Variants in CDH2 observed in about 807,000 individuals in gnomAD.
CDH2 encodes the protein cadherin 2.
Under a neutral mutation model 92.0 loss-of-function variants are expected in CDH2, and 17 were observed. That is an observed-to-expected ratio of 0.18 (90% CI 0.13 to 0.28). The LOEUF is 0.28. Ranked by LOEUF, CDH2 falls within the 10% of genes least tolerant of loss-of-function variation. The pLI is 1.00. For synonymous variants in CDH2, 419 were observed against 415.9 expected, an observed-to-expected ratio of 1.01 and a Z score of -0.09; for missense variants, 862 against 1,133.1, an observed-to-expected ratio of 0.76 and a Z score of 3.44.
At chr18:28,097,403 C>T (rs1281889735) in intron 2 of CDH2, among the ~76,000 whole-genome samples, 1 of 150,998 alleles carries the variant, frequency 6.6e-6, no homozygotes, top group African/African-American at 2.4e-5. Flanking sequence ...GAACTCACAG[C>T]CGGGTGCAGT....
intron 2 of CDH2, among the ~76,000 whole-genome samples, chr18:28,087,611 C>G (rs2144204574): frequency 6.6e-6 from 1 of 152,170 alleles, no homozygotes; most frequent in Non-Finnish European, 1.5e-5. Flanking sequence ...TAACCCTTGT[C>G]TCCACACTTC....
intron 2 of CDH2, among the ~76,000 whole-genome samples, chr18:28,106,610 GACC>G (rs1419797926): frequency 6.6e-6 from 1 of 152,054 alleles, no homozygotes; most frequent in Non-Finnish European, 1.5e-5. Flanking sequence ...CAGTGAGGAA[GACC>G]ACAAGATGAG....
chr18:28,146,895 A>G (rs190727646), intron 2 of CDH2, among the ~76,000 whole-genome samples: 5 of 152,246 alleles, frequency 3.3e-5, no homozygotes, highest in African/African-American at 1.2e-4. Flanking sequence ...TTCACATTTC[A>G]ATGACATTTT....
chr18:28,127,085 A>C (rs1304822461), intron 2 of CDH2, among the ~76,000 whole-genome samples: 1 of 152,216 alleles, frequency 6.6e-6, no homozygotes, highest in Admixed American at 6.5e-5. Flanking sequence ...AAGCAGGAGA[A>C]AGACATGCTA....
intron 2 of CDH2, among the ~76,000 whole-genome samples, chr18:28,062,683 C>T (rs962810514): frequency 1.3e-5 from 2 of 152,226 alleles, no homozygotes; most frequent in Middle Eastern, 3.4e-3. Flanking sequence ...TTGAGAAATA[C>T]ACCGTCCAGG....
At chr18:28,137,141 A>G (rs1209944458) in intron 2 of CDH2, among the ~76,000 whole-genome samples, 1 of 152,186 alleles carries the variant, frequency 6.6e-6, no homozygotes, top group African/African-American at 2.4e-5. Flanking sequence ...CATATGTTGA[A>G]GGGCTACTTC....
chr18:28,162,482 C>G (rs1023643311), intron 1 of CDH2, among the ~76,000 whole-genome samples: 2 of 152,182 alleles, frequency 1.3e-5, no homozygotes, highest in African/African-American at 4.8e-5. Flanking sequence ...CGAGTCACCA[C>G]CAAGAAGCTG....
intron 2 of CDH2, among the ~76,000 whole-genome samples, chr18:28,017,187 T>A (rs1186234599): frequency 6.6e-6 from 1 of 152,136 alleles, no homozygotes. Flanking sequence ...GTCAATAGGG[T>A]TGGTACCAAT....
intron 2 of CDH2, among the ~76,000 whole-genome samples, chr18:28,129,694 G>A (rs2015734209): frequency 6.6e-6 from 1 of 152,100 alleles, no homozygotes. Flanking sequence ...TGGGTGTGGT[G>A]GTTGCATGTC....
intron 2 of CDH2, among the ~76,000 whole-genome samples, chr18:28,052,448 T>C (rs1254858088): frequency 2.0e-5 from 3 of 152,218 alleles, no homozygotes; most frequent in African/African-American, 7.2e-5. Flanking sequence ...AAGAAAACTC[T>C]GAAATGAAAA....
intron 2 of CDH2, among the ~76,000 whole-genome samples, chr18:28,145,221 C>G: frequency 6.6e-6 from 1 of 152,012 alleles, no homozygotes; most frequent in East Asian, 1.9e-4. Context: ...ATGCCATCAA[C>G]GGGAAATTAA....
intron 2 of CDH2, among the ~76,000 whole-genome samples, chr18:28,044,850 C>CGTGTGTGT (rs68093312): frequency 0.012 from 1,848 of 148,454 alleles, 16 homozygotes; most frequent in Admixed American, 0.017. Flanking sequence ...TATATAACAT[C>CGTGTGTGT]GTGTGTGTGT....
At chr18:27,998,878 T>G (rs1361581210) in intron 7 of CDH2, among the ~76,000 whole-genome samples, 1 of 152,202 alleles carries the variant, frequency 6.6e-6, no homozygotes, top group Non-Finnish European at 1.5e-5. Flanking sequence ...CCTTGAGTGC[T>G]GGGTGCCCCT....
intron 2 of CDH2, among the ~76,000 whole-genome samples, chr18:28,127,999 T>A (rs977158897): frequency 6.6e-6 from 1 of 152,174 alleles, no homozygotes; most frequent in Non-Finnish European, 1.5e-5. Flanking sequence ...AATAAAAAGA[T>A]AAACAGATGA....
At chr18:28,013,651 A>T (rs2013159272) in intron 3 of CDH2, 32 bp downstream of exon 3, 1 of 1,509,990 alleles carries the variant, frequency 6.6e-7, no homozygotes, top group Non-Finnish European at 9.2e-7. Flanking sequence ...CTGATTTTTA[A>T]CCAGCCCTAA....
chr18:28,055,643 T>A (rs1202249352), intron 2 of CDH2, among the ~76,000 whole-genome samples: 1 of 152,236 alleles, frequency 6.6e-6, no homozygotes, highest in Non-Finnish European at 1.5e-5. Flanking sequence ...AGAGCTTTAA[T>A]TGGCTTTAAA....
At chr18:27,958,066 G>T (rs943256996) in intron 15 of CDH2, among the ~76,000 whole-genome samples, 2 of 152,098 alleles carry the variant, frequency 1.3e-5, no homozygotes, top group African/African-American at 4.8e-5. Context: ...ATCTCGTTTA[G>T]TTCTCACGCA....
intron 11 of CDH2, among the ~76,000 whole-genome samples, chr18:27,987,175 T>C (rs552811922): frequency 2.0e-5 from 3 of 152,344 alleles, no homozygotes; most frequent in South Asian, 4.1e-4. Flanking sequence ...TATAATTTTA[T>C]GGCTCTTTAG....
At chr18:28,042,015 G>A (rs2013957059) in intron 2 of CDH2, among the ~76,000 whole-genome samples, 1 of 151,976 alleles carries the variant, frequency 6.6e-6, no homozygotes, top group Non-Finnish European at 1.5e-5. Context: ...CATATATTAA[G>A]AGGGTAATCA....
Sources: allele counts gnomAD v4.1 joint callset (sites outside exome capture counted in the v4.1 genomes callset), GRCh38; gene constraint gnomAD v4.1.1; transcripts MANE v1.5; gene names NCBI Gene and HGNC (gene_info 2026-07-23, HGNC 2026-07-21).